Variants in PTPRD observed in about 807,000 individuals in gnomAD.
PTPRD encodes the protein receptor-type tyrosine-protein phosphatase delta.
PTPRD carries 34 observed loss-of-function variants against 214.5 expected under a neutral mutation model. That is an observed-to-expected ratio of 0.16 (90% CI 0.12 to 0.21). The LOEUF is 0.21. Ranked by LOEUF, PTPRD falls within the 10% of genes least tolerant of loss-of-function variation. PTPRD has a pLI of 1.00. For missense variants in PTPRD, 2,545 were observed against 2,398.7 expected, an observed-to-expected ratio of 1.06 and a Z score of -1.27; for synonymous variants, 1,128 against 845.7, an observed-to-expected ratio of 1.33 and a Z score of -5.79.
intron 2 of PTPRD, among the ~76,000 whole-genome samples, chr9:10,600,511 C>T (rs2077699734): frequency 6.6e-6 from 1 of 151,744 alleles, no homozygotes; most frequent in Non-Finnish European, 1.5e-5. Flanking sequence ...AATCTGTGAG[C>T]AACAAAGTAC....
At chr9:9,975,743 C>G (rs1476110291) in intron 4 of PTPRD, among the ~76,000 whole-genome samples, 1 of 152,158 alleles carries the variant, frequency 6.6e-6, no homozygotes, top group Non-Finnish European at 1.5e-5. Flanking sequence ...CGTAGATACA[C>G]AGGTTCTGGA....
chr9:10,361,559 T>A (rs2154470757), intron 2 of PTPRD, among the ~76,000 whole-genome samples: 1 of 152,240 alleles, frequency 6.6e-6, no homozygotes, highest in Middle Eastern at 3.4e-3. Flanking sequence ...GTGTCTACTA[T>A]ACACCCGAAA....
intron 5 of PTPRD, among the ~76,000 whole-genome samples, chr9:9,895,777 T>C (rs2153792937): frequency 6.6e-6 from 1 of 152,238 alleles, no homozygotes; most frequent in South Asian, 2.1e-4. Context: ...AGCAGCTAAA[T>C]TTCAGTTTAG....
intron 11 of PTPRD, among the ~76,000 whole-genome samples, chr9:8,969,033 C>A (rs886230429): frequency 6.6e-6 from 1 of 151,880 alleles, no homozygotes; most frequent in Admixed American, 6.6e-5. Flanking sequence ...GATAGCAACT[C>A]GATTAAAAAA....
chr9:8,667,276 T>C (rs766508282), intron 12 of PTPRD, among the ~76,000 whole-genome samples: 1 of 152,112 alleles, frequency 6.6e-6, no homozygotes, highest in Admixed American at 6.5e-5. Context: ...GACGCAGAAG[T>C]TGCAGTGAGC....
chr9:9,967,917 T>C (rs958297141), intron 4 of PTPRD, among the ~76,000 whole-genome samples: 4 of 152,128 alleles, frequency 2.6e-5, no homozygotes, highest in African/African-American at 9.7e-5. Context: ...TATACTGATA[T>C]TATGATACAT....
chr9:9,802,802 C>T (rs1313999286), intron 5 of PTPRD, among the ~76,000 whole-genome samples: 1 of 151,810 alleles, frequency 6.6e-6, no homozygotes, highest in Non-Finnish European at 1.5e-5. Context: ...CAACCTCCCC[C>T]TCCCTCAGAA....
intron 9 of PTPRD, among the ~76,000 whole-genome samples, chr9:9,308,601 G>A (rs1220907541): frequency 1.3e-5 from 2 of 151,932 alleles, no homozygotes; most frequent in Non-Finnish European, 2.9e-5. Flanking sequence ...TGCTATCTAG[G>A]GTTGCTATTT....
chr9:8,358,398 G>T (rs1256739620), intron 39 of PTPRD, among the ~76,000 whole-genome samples: 1 of 152,076 alleles, frequency 6.6e-6, no homozygotes, highest in Non-Finnish European at 1.5e-5. Context: ...CAGAGCAAAT[G>T]GTCTTTGATG....
intron 4 of PTPRD, among the ~76,000 whole-genome samples, chr9:9,969,156 AG>A (rs141314778): frequency 0.039 from 6,008 of 152,282 alleles, 143 homozygotes; most frequent in Non-Finnish European, 0.058. Context: ...GAGGTTACAT[AG>A]AAATTAGGTG....
intron 7 of PTPRD, among the ~76,000 whole-genome samples, chr9:9,601,050 G>A (rs1209392883): frequency 6.9e-6 from 1 of 144,078 alleles, no homozygotes; most frequent in African/African-American, 2.6e-5. Flanking sequence ...ACTAATTGAC[G>A]AAACAAAGAA....
At chr9:9,817,046 C>G (rs1028682337) in intron 5 of PTPRD, among the ~76,000 whole-genome samples, 1 of 152,088 alleles carries the variant, frequency 6.6e-6, no homozygotes, top group African/African-American at 2.4e-5. Context: ...AAATTACCAG[C>G]TGTCAAAAAA....
rs116725391 is a variant in PTPRD at position 9,920,843 on chromosome 9, T to C, written c.-368+17664A>G. ...GAAGTGAATAGAAATTTTGACCCAC[T>C]CCGGCTTCCATCTATCATGGGAGCC... On this transcript the variant is annotated intron_variant, in intron 5 of 45. Coordinates refer to ENST00000381196, the MANE Select transcript of PTPRD (RefSeq NM_002839.4). 7.2e-3 allele frequency among the ~76,000 whole-genome samples: 1,101 copies of C among 152,174 alleles called. 14 individuals carry two copies. The highest frequency in any genetic ancestry group is 0.034 in the South Asian group (162 of 4,826).
intron 5 of PTPRD, among the ~76,000 whole-genome samples, chr9:9,889,883 G>A (rs2153773072): frequency 6.6e-6 from 1 of 151,914 alleles, no homozygotes; most frequent in Non-Finnish European, 1.5e-5. Context: ...GTTCTCCAGT[G>A]GCCACTGCCA....
rs192063439 is a variant in PTPRD at position 9,127,253 on chromosome 9, T to C, written c.-143+56051A>G. ...ATGGGGAAAATGTGCAAACTCCACA[T>C]AGACAGTGACCCAGCTGGGAATTGA... is the stretch of plus-strand genomic sequence containing the variant. On this transcript the variant is annotated intron_variant, in intron 10 of 45. Transcript: ENST00000381196. 6.6e-5 allele frequency among the ~76,000 whole-genome samples: 10 copies of C among 152,286 alleles called. No individual in the cohort carries two copies. In the East Asian group the frequency reaches 1.9e-3, roughly 29 times the overall value.
chr9:8,748,942 C>T (rs7863593), intron 11 of PTPRD, among the ~76,000 whole-genome samples: 106,652 of 151,958 alleles, frequency 0.7, 37,477 homozygotes, highest in South Asian at 0.75. Flanking sequence ...TTCTAACTTG[C>T]ACTTTAGATT....
Position 10,279,022 on chromosome 9 carries a change from C to T in PTPRD, c.-545+61941G>A, listed in dbSNP as rs186621274. 1.1e-4 allele frequency among the ~76,000 whole-genome samples: 16 copies of T among 152,296 alleles called. No homozygotes were observed. The South Asian group carries it at 1.2e-3, about 12-fold the overall frequency. On this transcript the variant is annotated intron_variant, in intron 3 of 45. Transcript: ENST00000381196. The stretch of plus-strand genomic sequence containing the variant: ...ATCTCCTGGCCTCGTGATCTGCCCG[C>T]CTTGGCCTCCCAAAGTGCTGGGCTC...
At chr9:9,403,311 A>AAAC (rs2071699123) in intron 8 of PTPRD, among the ~76,000 whole-genome samples, 1 of 144,164 alleles carries the variant, frequency 6.9e-6, no homozygotes, top group Non-Finnish European at 1.5e-5. Context: ...AAAAAAAAAA[A>AAAC]CCAAAACAAA....
chr9:8,626,760 C>T (rs2096055725), intron 14 of PTPRD, among the ~76,000 whole-genome samples: 1 of 151,692 alleles, frequency 6.6e-6, no homozygotes, highest in South Asian at 2.1e-4. Flanking sequence ...GAAACATCAG[C>T]TCTTCCTAGG....
Sources: gnomAD v4.1 joint callset for allele counts (sites outside exome capture counted in the v4.1 genomes callset) on GRCh38, gnomAD v4.1.1 for gene constraint, MANE v1.5 for transcripts, NCBI Gene and HGNC (gene_info 2026-07-23, HGNC 2026-07-21) for gene names.